Variants in AGTR1 observed in about 807,000 individuals in gnomAD.
AGTR1 encodes type-1 angiotensin II receptor.
In AGTR1, 16 loss-of-function variants were observed where a neutral mutation model predicts 19.4. The observed-to-expected ratio is 0.82, with a 90% CI of 0.56 to 1.25. The LOEUF (loss-of-function observed/expected upper bound fraction) is 1.25. AGTR1 is among the 50% of genes most tolerant of loss of function. The pLI is 0.00. For synonymous variants in AGTR1, 153 were observed against 154.9 expected (o/e 0.99, Z 0.09); for missense variants, 373 against 431.9 (o/e 0.86, Z 1.21).
At chr3:148,727,052 C>T (rs1323716317) in intron 2 of AGTR1, among the ~76,000 whole-genome samples, 1 of 152,136 alleles carries the variant, frequency 6.6e-6, no homozygotes, top group Non-Finnish European at 1.5e-5. Flanking sequence ...ATTAATATTG[C>T]TCCTTACAAA....
intron 2 of AGTR1, among the ~76,000 whole-genome samples, chr3:148,708,735 C>T (rs1427775911): frequency 1.3e-5 from 2 of 152,156 alleles, no homozygotes. Flanking sequence ...TTTTTCATAA[C>T]AAGAGTCCGG....
intron 2 of AGTR1, among the ~76,000 whole-genome samples, chr3:148,710,343 C>T (rs925939206): frequency 6.6e-6 from 1 of 152,110 alleles, no homozygotes; most frequent in African/African-American, 2.4e-5. Context: ...CAATGTTTCA[C>T]GTGCTTTTCT....
chr3:148,699,895 C>G (rs543256583), intron 1 of AGTR1, among the ~76,000 whole-genome samples: 2 of 152,238 alleles, frequency 1.3e-5, no homozygotes, highest in East Asian at 3.9e-4. Flanking sequence ...TAAACTGAAT[C>G]AACTCTTCCA....
intron 1 of AGTR1, among the ~76,000 whole-genome samples, chr3:148,701,579 T>G (rs945849414): frequency 2.6e-5 from 4 of 152,236 alleles, no homozygotes; most frequent in African/African-American, 9.6e-5. Flanking sequence ...TCTAACTGTC[T>G]TAAGTAGAAA....
At chr3:148,718,765 C>A (rs1713439035) in intron 2 of AGTR1, among the ~76,000 whole-genome samples, 1 of 152,120 alleles carries the variant, frequency 6.6e-6, no homozygotes, top group Non-Finnish European at 1.5e-5. Flanking sequence ...AATGGGAATT[C>A]AACCACTTTA....
chr3:148,732,730 A>ATTTTTTTT (rs778034622), intron 2 of AGTR1, among the ~76,000 whole-genome samples: 3 of 109,952 alleles, frequency 2.7e-5, no homozygotes, highest in South Asian at 2.9e-4. Context: ...GCTTCGGAAA[A>ATTTTTTTT]TTTTTTTTTT....
At chr3:148,709,875 C>A (rs7640374) in intron 2 of AGTR1, among the ~76,000 whole-genome samples, 131,327 of 152,156 alleles carry the variant, frequency 0.86, 57,029 homozygotes, top group African/African-American at 0.95. Flanking sequence ...AATGGGAAAA[C>A]CCTGATTAGC....
intron 1 of AGTR1, among the ~76,000 whole-genome samples, chr3:148,702,601 C>T (rs1218082077): frequency 6.6e-6 from 1 of 152,196 alleles, no homozygotes; most frequent in Non-Finnish European, 1.5e-5. Flanking sequence ...ATGGCCCCTC[C>T]TTCTGTCCTG....
rs7625758 is a variant in AGTR1 at position 148,720,872 on chromosome 3, T to C, written c.-48+12845T>C. Among the ~76,000 whole-genome samples the C allele has an allele frequency of 7.1e-3, 1,085 of 152,368 alleles. 13 individuals are homozygous for C. The highest frequency in any genetic ancestry group is 0.025 in the African/African-American group (1,022 of 41,576). Reference sequence around the variant, plus strand: ...GGCAGATGTTCTCAATTAATAGTTTTATTCATTCTACTTCACAGTTTAGTG... The same window carrying C: ...GGCAGATGTTCTCAATTAATAGTTTCATTCATTCTACTTCACAGTTTAGTG... On this transcript the variant is annotated intron_variant, in intron 2 of 2. Transcript: ENST00000349243.
chr3:148,710,079 G>A (rs1712897221), intron 2 of AGTR1, among the ~76,000 whole-genome samples: 1 of 152,042 alleles, frequency 6.6e-6, no homozygotes, highest in South Asian at 2.1e-4. Flanking sequence ...TGTGGTTAGT[G>A]GACAACACAG....
intron 2 of AGTR1, among the ~76,000 whole-genome samples, chr3:148,710,902 C>G (rs940494971): frequency 2.6e-5 from 4 of 151,990 alleles, no homozygotes; most frequent in Admixed American, 6.6e-5. Flanking sequence ...CACCTCCCCC[C>G]TCTCTCTCTT....
At chr3:148,704,172 G>A (rs1712521692) in intron 1 of AGTR1, among the ~76,000 whole-genome samples, 1 of 151,854 alleles carries the variant, frequency 6.6e-6, no homozygotes, top group Non-Finnish European at 1.5e-5. Flanking sequence ...AACAAACTGA[G>A]ACCCCCATCT....
intron 2 of AGTR1, among the ~76,000 whole-genome samples, chr3:148,731,939 G>A (rs990169140): frequency 6.6e-6 from 1 of 152,208 alleles, no homozygotes; most frequent in Non-Finnish European, 1.5e-5. Flanking sequence ...TCTTAGAACA[G>A]AGGCCCTTTA....
chr3:148,715,378 A>G (rs1713237888), intron 2 of AGTR1, among the ~76,000 whole-genome samples: 2 of 152,202 alleles, frequency 1.3e-5, no homozygotes, highest in African/African-American at 2.4e-5. Context: ...TTGATTTTCT[A>G]CAGCTCCTCT....
rs1019113999 is a variant in AGTR1 at position 148,742,519 on chromosome 3, C to T, written c.*404C>T. On this transcript the variant is annotated 3_prime_UTR_variant, in exon 3 of 3. Coordinates refer to ENST00000349243, the MANE Select transcript of AGTR1 (RefSeq NM_000685.5). ...AGATGAGAGTTCCAGATTGTTCTGTCCAGTTTCCAAAGGGCAGTAAAGTTT... is the reference window on the plus strand; with the variant it reads ...AGATGAGAGTTCCAGATTGTTCTGTTCAGTTTCCAAAGGGCAGTAAAGTTT... The T allele has an allele frequency of 1.0e-4, 34 of 338,962 alleles. No individual in the cohort carries two copies. Among genetic ancestry groups the T allele is most frequent in the African/African-American group, 6.6e-4 (30 of 45,582 alleles). 21.0% of individuals were successfully genotyped at this position (338,962 alleles called of 1,614,324 possible). A position where few individuals can be genotyped will look rare whatever the true frequency, so the allele number is the denominator to read the frequency against.
Position 148,716,845 on chromosome 3 carries a change from G to C in AGTR1, c.-48+8818G>C, listed in dbSNP as rs115615707. ...TGCTCTGAAAATGGTTTCTGTCCCT[G>C]GTGGACTCTTGTTTCAATGCAGTTA... On this transcript the variant is annotated intron_variant, in intron 2 of 2. Transcript: ENST00000349243. The surrounding 1 kb of genome is among the most constrained non-coding windows in gnomAD (Gnocchi z 4.7). 7.5e-3 allele frequency among the ~76,000 whole-genome samples: 1,139 copies of C among 152,210 alleles called. 5 individuals are homozygous for C. The highest frequency in any genetic ancestry group is 0.014 in the South Asian group (69 of 4,828).
At chr3:148,730,290 C>A (rs530888946) in intron 2 of AGTR1, 2 of 397,972 alleles carry the variant, frequency 5.0e-6, no homozygotes, top group Admixed American at 8.8e-5. Context: ...ATGCTCTTCC[C>A]ACTGTCTTAA....
chr3:148,724,721 T>C (rs560174305), intron 2 of AGTR1, among the ~76,000 whole-genome samples: 3 of 152,308 alleles, frequency 2.0e-5, no homozygotes, highest in African/African-American at 7.2e-5. Context: ...AAAGAGAACA[T>C]ACTAGTTTCT....
intron 2 of AGTR1, among the ~76,000 whole-genome samples, chr3:148,732,448 C>A (rs1363136067): frequency 6.6e-6 from 1 of 152,160 alleles, no homozygotes; most frequent in East Asian, 1.9e-4. Context: ...CTATGATAAT[C>A]TTATGTTGAG....
Sources: allele counts gnomAD v4.1 joint callset (sites outside exome capture counted in the v4.1 genomes callset), GRCh38; gene constraint gnomAD v4.1.1; non-coding constraint Gnocchi (gnomAD v3.1); transcripts MANE v1.5; gene names NCBI Gene and HGNC (gene_info 2026-07-23, HGNC 2026-07-21).